PRKACA: variants seen among roughly 807,000 people sequenced by gnomAD.
PRKACA encodes the protein cAMP-dependent protein kinase catalytic subunit alpha.
In PRKACA, 9 loss-of-function variants were observed where a neutral mutation model predicts 45.8. That is an observed-to-expected ratio of 0.20 (90% CI 0.12 to 0.34). The LOEUF (loss-of-function observed/expected upper bound fraction) is 0.34, where lower values mean the gene tolerates loss of function less well. Among genes scored for constraint, PRKACA ranks in the 10% least tolerant of loss-of-function variants. The probability of loss-of-function intolerance (pLI) is 1.00; values close to 1 mark genes in which losing one functional copy is unlikely to be tolerated. For synonymous variants in PRKACA, 160 were observed against 178.6 expected (o/e 0.90, Z 0.83); for missense variants, 238 against 458.6 (o/e 0.52, Z 4.39).
chr19:14,114,612 G>A (rs1967069427), intron 1 of PRKACA, among the ~76,000 whole-genome samples: 1 of 152,000 alleles, frequency 6.6e-6, no homozygotes. Context: ...GGTATCTTCA[G>A]CCAGTGCCAG....
intron 1 of PRKACA, among the ~76,000 whole-genome samples, chr19:14,117,059 T>TG (rs913506021): frequency 6.6e-6 from 1 of 151,526 alleles, no homozygotes; most frequent in Non-Finnish European, 1.5e-5. Flanking sequence ...CCAAGGTCCC[T>TG]GCGCGGTGGA....
At chr19:14,115,837 T>G (rs1967093846) in intron 1 of PRKACA, among the ~76,000 whole-genome samples, 1 of 151,880 alleles carries the variant, frequency 6.6e-6, no homozygotes, top group African/African-American at 2.4e-5. Context: ...ACCTTCCACC[T>G]CCCAGCTGGC....
In PRKACA at chr19:14,093,175, A is replaced by G. The variant is rs775000550; in HGVS notation, c.993T>C (p.Tyr331=). 31 of 1,613,964 alleles carry G rather than the reference A, an allele frequency of 1.9e-5. No individual in the cohort carries two copies. The highest frequency in any genetic ancestry group is 3.3e-5 in the Admixed American group (2 of 59,990). The change falls in exon 10 of 10, where the codon TAT becomes TAC. Residue 331 remains tyrosine, a synonymous_variant. Transcript: ENST00000308677. ...GPGDTSNFDD[Y]EEEEIRVSIN... ...TGGAGACCCGGATTTCTTCTTCCTC[A>G]TAGTCGTCAAAGTTACTCGTATCCC...
intron 5 of PRKACA, among the ~76,000 whole-genome samples, chr19:14,099,231 G>A (rs1447989369): frequency 6.6e-6 from 1 of 152,190 alleles, no homozygotes; most frequent in East Asian, 1.9e-4. Flanking sequence ...GGCAGAGTTT[G>A]CATGGAGCCG....
intron 1 of PRKACA, among the ~76,000 whole-genome samples, chr19:14,116,616 G>C (rs925945617): frequency 1.3e-5 from 2 of 152,096 alleles, no homozygotes; most frequent in Non-Finnish European, 2.9e-5. Flanking sequence ...GCCCTCCATG[G>C]AGCCTAGAGC....
In PRKACA at chr19:14,093,079, A is replaced by G. The variant is rs1977134210; in HGVS notation, c.*33T>C. The G allele has an allele frequency of 6.7e-7, 1 of 1,484,350 alleles. No homozygotes were observed. Among genetic ancestry groups the G allele is most frequent in the Non-Finnish European group, 9.0e-7 (1 of 1,110,656 alleles). 91.9% of individuals were successfully genotyped at this position (1,484,350 alleles called of 1,614,324 possible). On this transcript the variant is annotated 3_prime_UTR_variant, in exon 10 of 10. Coordinates refer to ENST00000308677, the MANE Select transcript of PRKACA (RefSeq NM_002730.4). ...CCCCGACCAAAAAAAAGAAAAAAGA[A>G]AAAAGAAAACCCATGGGGGCACAGG...
Position 14,097,950 on chromosome 19 carries a change from G to A in PRKACA, c.420-60C>T. On this transcript the variant is annotated intron_variant, in intron 5 of 9. Transcript: ENST00000308677. The surrounding 1 kb of genome is among the most constrained non-coding windows in gnomAD (Gnocchi z 5.4). ...GTCATGCCCCAAAATGGTCCAGCAG[G>A]TGGCCCTGCAGAGCCTACCCCAGAG... 6.2e-7 allele frequency: 1 copy of A among 1,604,572 alleles called. No individual in the cohort carries two copies. The highest frequency in any genetic ancestry group is 8.5e-7 in the Non-Finnish European group (1 of 1,173,742).
chr19:14,094,185 G>GGAAA (rs1977178621), intron 8 of PRKACA, among the ~76,000 whole-genome samples: 1 of 58,914 alleles, frequency 1.7e-5, no homozygotes, highest in Non-Finnish European at 3.2e-5. Flanking sequence ...TTCTTTTTTT[G>GGAAA]AAAAAAAAAA....
At chr19:14,109,681 T>G (rs1297134109) in intron 1 of PRKACA, among the ~76,000 whole-genome samples, 1 of 150,532 alleles carries the variant, frequency 6.6e-6, no homozygotes, top group East Asian at 2.0e-4. Context: ...CTCACGTCTA[T>G]AATCCCAGCA....
intron 8 of PRKACA, among the ~76,000 whole-genome samples, chr19:14,094,325 A>G (rs1157753379): frequency 2.0e-5 from 3 of 151,798 alleles, no homozygotes; most frequent in African/African-American, 7.3e-5. Context: ...AGTAGCTGGG[A>G]TTACAGGCTC....
rs1293176701 is a variant in PRKACA, at chr19:14,092,081, G to C, written c.*1031C>G. On this transcript the variant is annotated 3_prime_UTR_variant, in exon 10 of 10. Transcript: ENST00000308677. ...AGCCTTGAACCCCGGGCCGTGGCTTGGGGGGACTTGGCCTCTTCTGTTCCC... is the reference window on the plus strand; with the variant it reads ...AGCCTTGAACCCCGGGCCGTGGCTTCGGGGGACTTGGCCTCTTCTGTTCCC... 1.3e-5 allele frequency: 2 copies of C among 152,346 alleles called. No individual in the cohort carries two copies. The highest frequency in any genetic ancestry group is 2.9e-5 in the Non-Finnish European group (2 of 68,130). The allele number at this position is 152,346 out of a possible 1,614,324, so 9.4% of individuals were successfully genotyped here.
intron 1 of PRKACA, among the ~76,000 whole-genome samples, chr19:14,117,072 C>G (rs1967123073): frequency 1.3e-5 from 2 of 151,786 alleles, no homozygotes; most frequent in South Asian, 4.2e-4. Flanking sequence ...GCGGTGGAGG[C>G]AGACAGACCT....
rs544689748 is a variant in PRKACA, at chr19:14,109,412, C to T, written c.47-2003G>A. On this transcript the variant is annotated intron_variant, in intron 1 of 9. Transcript: ENST00000308677. ...GCAGTGAGCTGAGATCATGCCATTGCACTCCAGCCTAGGCGACGGGGCGAG... is the reference window on the plus strand; with the variant it reads ...GCAGTGAGCTGAGATCATGCCATTGTACTCCAGCCTAGGCGACGGGGCGAG... Among the ~76,000 whole-genome samples, 319 of 151,956 alleles carry T rather than the reference C, an allele frequency of 2.1e-3. 4 individuals carry two copies. The highest frequency in any genetic ancestry group is 2.5e-3 in the Non-Finnish European group (168 of 67,966).
chr19:14,093,981 C>A (rs901667892), intron 8 of PRKACA, among the ~76,000 whole-genome samples, 189 bp from the exon 9 acceptor site: 3 of 152,106 alleles, frequency 2.0e-5, no homozygotes, highest in African/African-American at 7.2e-5. Context: ...ATACTGTGGC[C>A]TGAGAATCTG....
Position 14,092,550 on chromosome 19 carries a change from T to TA in PRKACA, c.*561dup, listed in dbSNP as rs1977110001. 7.5e-6 allele frequency: 3 copies of TA among 398,650 alleles called. No homozygotes were observed. Among genetic ancestry groups the TA allele is most frequent in the African/African-American group, 6.2e-5 (3 of 48,554 alleles). 24.7% of individuals were successfully genotyped at this position (398,650 alleles called of 1,614,324 possible). On this transcript the variant is annotated 3_prime_UTR_variant, in exon 10 of 10. Transcript: ENST00000308677. ...GAGGGAGGGAGGCACTGGTGGAACT[T>TA]AAATAAGATTTTAAATTGTTGTTTT...
In PRKACA at chr19:14,091,769, T is replaced by G. The variant is rs982237560; in HGVS notation, c.*1343A>C. The G allele has an allele frequency of 6.6e-6, 1 of 152,530 alleles. No homozygotes were observed. Among genetic ancestry groups the G allele is most frequent in the Non-Finnish European group, 1.5e-5 (1 of 68,068 alleles). 9.4% of individuals were successfully genotyped at this position (152,530 alleles called of 1,614,324 possible). A position where few individuals can be genotyped will look rare whatever the true frequency, so the allele number is the denominator to read the frequency against. On this transcript the variant is annotated 3_prime_UTR_variant, in exon 10 of 10. Transcript: ENST00000308677. ...CACTGTTCAAGAGGAAGTCTCGTCCTTCGCAGCACACAGGTTGAATCGCCC... is the reference window on the plus strand; with the variant it reads ...CACTGTTCAAGAGGAAGTCTCGTCCGTCGCAGCACACAGGTTGAATCGCCC...
At chr19:14,102,689 C>G in intron 4 of PRKACA, 127 bp downstream of exon 4, 2 of 804,428 alleles carry the variant, frequency 2.5e-6, no homozygotes, top group Non-Finnish European at 4.2e-6. Context: ...TCTCCCTCCT[C>G]CAGGGATCTT....
chr19:14,113,657 C>G (rs1365189936), intron 1 of PRKACA, among the ~76,000 whole-genome samples: 1 of 152,168 alleles, frequency 6.6e-6, no homozygotes, highest in Admixed American at 6.5e-5. Flanking sequence ...ATCTGGCTGT[C>G]CTGGGAATTC....
rs1426669164 is a variant in PRKACA at position 14,092,055 on chromosome 19, T to C, written c.*1057A>G. The C allele has an allele frequency of 6.6e-6, 1 of 152,424 alleles. No homozygotes were observed. The highest frequency in any genetic ancestry group is 1.5e-5 in the Non-Finnish European group (1 of 68,190). The allele number at this position is 152,424 out of a possible 1,614,324, so 9.4% of individuals were successfully genotyped here. A position where few individuals can be genotyped will look rare whatever the true frequency, so the allele number is the denominator to read the frequency against. ...ACAGGCAGCCCCTCCCCAGCAGCTC[T>C]AGCCTTGAACCCCGGGCCGTGGCTT... On this transcript the variant is annotated 3_prime_UTR_variant, in exon 10 of 10. Coordinates refer to ENST00000308677, the MANE Select transcript of PRKACA (RefSeq NM_002730.4).
Sources: allele counts gnomAD v4.1 joint callset (sites outside exome capture counted in the v4.1 genomes callset), GRCh38; gene constraint gnomAD v4.1.1; non-coding constraint Gnocchi (gnomAD v3.1); transcripts MANE v1.5; gene names NCBI Gene and HGNC (gene_info 2026-07-23, HGNC 2026-07-21).